The following FGFR2 variants were observed in gnomAD, a reference collection of about 807,000 sequenced individuals.
The protein encoded by FGFR2 is fibroblast growth factor receptor 2.
In FGFR2, 19 loss-of-function variants were observed where a neutral mutation model predicts 95.9. The ratio of observed to expected loss-of-function variants is 0.20; its 90% confidence interval spans 0.14 to 0.29. FGFR2 has a LOEUF of 0.29. Among genes scored for constraint, FGFR2 ranks in the 10% least tolerant of loss-of-function variants. The pLI, the probability that FGFR2 is intolerant of heterozygous loss-of-function variation, is 1.00. For synonymous variants in FGFR2, 392 were observed against 393.3 expected (o/e 1.00, Z 0.04); for missense variants, 707 against 1,056.9 (o/e 0.67, Z 4.59).
chr10:121,506,800 G>C (rs752861955), intron 9 of FGFR2, among the ~76,000 whole-genome samples: 1 of 152,164 alleles, frequency 6.6e-6, no homozygotes, highest in Non-Finnish European at 1.5e-5. Flanking sequence ...GAGAGAGGGG[G>C]TAGAAAATAC....
chr10:121,595,675 C>A (rs1863331421), intron 1 of FGFR2, among the ~76,000 whole-genome samples: 1 of 152,264 alleles, frequency 6.6e-6, no homozygotes, highest in Non-Finnish European at 1.5e-5. Context: ...TTGCAGAATG[C>A]AGGGGAATTT....
chr10:121,482,063 T>C, intron 17 of FGFR2: 2 of 892,706 alleles, frequency 2.2e-6, no homozygotes. Context: ...GGTCTGGAAC[T>C]CCTGACCTCA....
chr10:121,489,063 T>A (rs1845789438), intron 13 of FGFR2, among the ~76,000 whole-genome samples: 1 of 147,730 alleles, frequency 6.8e-6, no homozygotes, highest in African/African-American at 2.6e-5. Flanking sequence ...TCTGTTTAGG[T>A]TTTCTTGTTT....
intron 2 of FGFR2, among the ~76,000 whole-genome samples, chr10:121,576,184 T>C (rs1297211534): frequency 6.6e-6 from 1 of 152,170 alleles, no homozygotes; most frequent in Non-Finnish European, 1.5e-5. Context: ...CGAAACTCCG[T>C]CTCAAAAAAT....
At chr10:121,546,007 G>A (rs183234785) in intron 5 of FGFR2, among the ~76,000 whole-genome samples, 22 of 152,146 alleles carry the variant, frequency 1.4e-4, no homozygotes, top group African/African-American at 4.1e-4. Context: ...CAGGCACTTC[G>A]AAGTGGCATA....
At chr10:121,573,678 G>A (rs916340816) in intron 2 of FGFR2, among the ~76,000 whole-genome samples, 1 of 112,652 alleles carries the variant, frequency 8.9e-6, no homozygotes, top group African/African-American at 3.9e-5. Flanking sequence ...GAGAAAGAGG[G>A]AGGGGCAGAG....
At chr10:121,594,234 C>T (rs987292605) in intron 1 of FGFR2, 24 of 394,050 alleles carry the variant, frequency 6.1e-5, no homozygotes, top group African/African-American at 4.6e-4. Context: ...TACGTGCAGC[C>T]ACTTCAGTGA....
At chr10:121,494,937 C>T (rs548458888) in intron 13 of FGFR2, among the ~76,000 whole-genome samples, 2 of 152,170 alleles carry the variant, frequency 1.3e-5, no homozygotes, top group African/African-American at 4.8e-5. Context: ...TTTCTAAGAA[C>T]TGGCCACCCT....
intron 9 of FGFR2, among the ~76,000 whole-genome samples, chr10:121,508,784 C>G (rs1848646892): frequency 6.6e-6 from 1 of 152,218 alleles, no homozygotes; most frequent in African/African-American, 2.4e-5. Flanking sequence ...AGAAAACGTG[C>G]AAAGTCTAAG....
At chr10:121,592,344 G>A (rs1231996059) in intron 2 of FGFR2, among the ~76,000 whole-genome samples, 2 of 152,122 alleles carry the variant, frequency 1.3e-5, no homozygotes, top group South Asian at 2.1e-4. Flanking sequence ...ATCACCAAGA[G>A]GCAGTTCCAT....
At chr10:121,514,651 A>G (rs1353217522) in intron 9 of FGFR2, among the ~76,000 whole-genome samples, 1 of 152,250 alleles carries the variant, frequency 6.6e-6, no homozygotes, top group Non-Finnish European at 1.5e-5. Context: ...CCCCCAGGGC[A>G]TAAGATACTG....
chr10:121,565,535 C>T lies in FGFR2; in HGVS notation c.279G>A (p.Gln93=), dbSNP rs760052114. The change falls in exon 3 of 18, where the codon CAG becomes CAA. Residue 93 remains glutamine (Q), a synonymous_variant. Coordinates refer to ENST00000358487, the MANE Select transcript of FGFR2 (RefSeq NM_000141.5). Reference sequence around the variant, plus strand: ...AGTCTCTAGGCGTGGCGCCCTTTATCTGCAAGTACTCCCCAATAAGCACTG... The same window carrying T: ...AGTCTCTAGGCGTGGCGCCCTTTATTTGCAAGTACTCCCCAATAAGCACTG... ...NRTVLIGEYL[Q]IKGATPRDSG... 2 of 1,614,246 alleles carry T rather than the reference C, an allele frequency of 1.2e-6. No homozygotes were observed. Among genetic ancestry groups the T allele is most frequent in the East Asian group, 4.5e-5 (2 of 44,884 alleles).
chr10:121,490,491 C>T (rs1029821755), intron 13 of FGFR2, among the ~76,000 whole-genome samples: 13 of 152,164 alleles, frequency 8.5e-5, no homozygotes, highest in African/African-American at 1.9e-4. Flanking sequence ...ACAAATGATA[C>T]GCTACTGTGA....
In FGFR2 at chr10:121,518,850, C is replaced by T. The variant is rs761969068; in HGVS notation, c.939+1129G>A. Reference sequence around the variant, plus strand: ...GAGTGCTAGAACAGACACAGGAGAACAATATAACGGCCAACCAGGAAGGTC... The same window carrying T: ...GAGTGCTAGAACAGACACAGGAGAATAATATAACGGCCAACCAGGAAGGTC... On this transcript the variant is annotated intron_variant, in intron 7 of 17. Coordinates refer to ENST00000358487, the MANE Select transcript of FGFR2 (RefSeq NM_000141.5). This position sits in a 1 kb window ranked among gnomAD's most constrained non-coding sequence, Gnocchi z 4.0. 6.2e-7 allele frequency: 1 copy of T among 1,613,898 alleles called. No homozygotes were observed. The highest frequency in any genetic ancestry group is 1.3e-5 in the African/African-American group (1 of 75,024).
At chr10:121,575,910 G>A (rs888495636) in intron 2 of FGFR2, among the ~76,000 whole-genome samples, 5 of 151,146 alleles carry the variant, frequency 3.3e-5, no homozygotes, top group African/African-American at 1.2e-4. Context: ...AAAAGGCCGG[G>A]CGCAGTGGCT....
intron 6 of FGFR2, among the ~76,000 whole-genome samples, chr10:121,525,319 C>T (rs570654856): frequency 3.3e-5 from 5 of 152,286 alleles, no homozygotes; most frequent in African/African-American, 9.6e-5. Flanking sequence ...CCAAAGGGTG[C>T]GGCCACTGCT....
intron 9 of FGFR2, among the ~76,000 whole-genome samples, chr10:121,506,499 A>C (rs1209021998): frequency 2.0e-5 from 3 of 151,944 alleles, no homozygotes; most frequent in Non-Finnish European, 1.5e-5. Context: ...CCAGGATTCC[A>C]CTATGGGGTG....
intron 2 of FGFR2, among the ~76,000 whole-genome samples, chr10:121,569,693 T>A (rs1858292722): frequency 6.6e-6 from 1 of 152,158 alleles, no homozygotes; most frequent in Admixed American, 6.5e-5. Context: ...CCCCCTAAAA[T>A]ACACCAATGA....
intron 5 of FGFR2, among the ~76,000 whole-genome samples, chr10:121,545,076 A>T (rs1206595524): frequency 2.6e-5 from 4 of 152,106 alleles, no homozygotes; most frequent in Non-Finnish European, 5.9e-5. Flanking sequence ...CCAGGAGGTC[A>T]AGACTGCACT....
Sources: gnomAD v4.1 joint callset for allele counts (sites outside exome capture counted in the v4.1 genomes callset) on GRCh38, gnomAD v4.1.1 for gene constraint, Gnocchi (gnomAD v3.1) non-coding constraint, MANE v1.5 for transcripts, NCBI Gene and HGNC (gene_info 2026-07-23, HGNC 2026-07-21) for gene names.